FAM90A26: variants seen among roughly 807,000 people sequenced by gnomAD.
FAM90A26 encodes family with sequence similarity 90 member A26.
At position 9,171,034 on chromosome 4, in the gene FAM90A26, G is replaced by A. The variant is rs191173256; in HGVS notation, c.-420-498G>A. ...CACTGTTTCTACCAAAAATACAAAA[G>A]TAAGCTGGGTGTGGTGGGCACCTGT... On this transcript the variant is annotated intron_variant, in intron 1 of 6. Transcript: ENST00000512047. 0.011 allele frequency among the ~76,000 whole-genome samples: 255 copies of A among 22,424 alleles called. 64 individuals carry two copies. In the East Asian group the frequency reaches 0.13, roughly 11 times the overall value. The allele number at this position is 22,424 out of a possible 152,430, so 14.7% of individuals were successfully genotyped here. A position where few individuals can be genotyped will look rare whatever the true frequency, so the allele number is the denominator to read the frequency against.
At position 9,173,211 on chromosome 4, in the gene FAM90A26, A is replaced by G. The variant is rs1216530637; in HGVS notation, c.39A>G (p.Arg13=). Residue 13 remains arginine (R), a synonymous_variant, in exon 4 of 7, where the codon AGA becomes AGG. Coordinates refer to ENST00000512047, the Ensembl canonical transcript of FAM90A26. The stretch of plus-strand genomic sequence containing the variant: ...GTGACCCCAAACCTGGGGCAAAGAG[A>G]CTGGTGAGAGCCCAGACCCTCCAGA... 1.5e-5 allele frequency: 4 copies of G among 274,704 alleles called. 2 individuals are homozygous for G. Among genetic ancestry groups the G allele is most frequent in the African/African-American group, 3.0e-4 (2 of 6,746 alleles). The allele number at this position is 274,704 out of a possible 1,614,324, so 17.0% of individuals were successfully genotyped here. A position where few individuals can be genotyped will look rare whatever the true frequency, so the allele number is the denominator to read the frequency against.
chr4:9,176,098 A>C lies in FAM90A26; in HGVS notation c.1326A>C (p.Pro442=), dbSNP rs558989912. 2.5e-3 allele frequency: 594 copies of C among 238,654 alleles called. 274 individuals are homozygous for C. The highest frequency in any genetic ancestry group is 2.5e-4 in the Non-Finnish European group (41 of 161,992). The allele number at this position is 238,654 out of a possible 1,614,324, so 14.8% of individuals were successfully genotyped here. A position where few individuals can be genotyped will look rare whatever the true frequency, so the allele number is the denominator to read the frequency against. Residue 442 remains proline (P), a synonymous_variant, in exon 7 of 7, where the codon CCA becomes CCC. Coordinates refer to ENST00000512047, the Ensembl canonical transcript of FAM90A26. ...CTGAGGTTCCCCGTGTTCGTGTCCC[A>C]CCGAACGTCCTCTATGAGGACCTTC...
At position 9,174,484 on chromosome 4, in the gene FAM90A26, AT is replaced by A; in HGVS notation, c.364del (p.Ser122ProfsTer22). ...CGCAGAGGAAGGCTCTCCTCCACATATTTTCCGGGAAACCTCCAGAGAAGCC... is the reference window on the plus strand; with the variant it reads ...CGCAGAGGAAGGCTCTCCTCCACATATTTCCGGGAAACCTCCAGAGAAGCC... On this transcript the variant is annotated frameshift_variant, in exon 6 of 7. Transcript: ENST00000512047. LOFTEE classifies it high-confidence loss of function. 3 of 266,104 alleles carry A rather than the reference AT, an allele frequency of 1.1e-5. No individual in the cohort carries two copies. Among genetic ancestry groups the A allele is most frequent in the South Asian group, 3.8e-5 (1 of 26,046 alleles). 16.5% of individuals were successfully genotyped at this position (266,104 alleles called of 1,614,324 possible). A position where few individuals can be genotyped will look rare whatever the true frequency, so the allele number is the denominator to read the frequency against.
Position 9,171,657 on chromosome 4 carries a change from G to A in FAM90A26, c.-295G>A, listed in dbSNP as rs1296685363. On this transcript the variant is annotated 5_prime_UTR_variant, in exon 2 of 7. Transcript: ENST00000512047. ...AGAGAAGCTCAGAAGATGGATCATG[G>A]CCGTGACTGCATGTCAAGGAGAATC... 1.3e-4 allele frequency: 3 copies of A among 23,472 alleles called. 1 individual carries two copies. In the East Asian group the frequency reaches 2.9e-3, roughly 23 times the overall value. 1.5% of individuals were successfully genotyped at this position (23,472 alleles called of 1,614,324 possible).
chr4:9,170,438 T>G (rs34634313), exon 1 of FAM90A26: 34,411 of 100,070 alleles, frequency 0.34, 9,461 homozygotes, highest in South Asian at 0.45. Context: ...CCAGGAGCCC[T>G]GAGACCTGCA....
rs1432240386 is a variant in FAM90A26, at chr4:9,171,533, G to C, written c.-419G>C. The stretch of plus-strand genomic sequence containing the variant: ...ACTTTCTTCATCTGTGTTTCCCAGT[G>C]CGGTCCAATTCACGGTGGTTTCCAA... On this transcript the variant is annotated splice_region_variant and 5_prime_UTR_variant, in exon 2 of 7. Transcript: ENST00000512047. 1.7e-4 allele frequency: 4 copies of C among 23,040 alleles called. 2 individuals are homozygous for C. The highest frequency in any genetic ancestry group is 1.7e-4 in the Non-Finnish European group (2 of 11,508). 1.4% of individuals were successfully genotyped at this position (23,040 alleles called of 1,614,324 possible).
At position 9,170,954 on chromosome 4, in the gene FAM90A26, A is replaced by G. The variant is rs1713426795; in HGVS notation, c.-421+432A>G. ...ATTTCAGCATATTGGGAGGCCAAGGAGAGTGGATCACCTGAGGTCAGGAGT... is the reference window on the plus strand; with the variant it reads ...ATTTCAGCATATTGGGAGGCCAAGGGGAGTGGATCACCTGAGGTCAGGAGT... On this transcript the variant is annotated intron_variant, in intron 1 of 6. Coordinates refer to ENST00000512047, the Ensembl canonical transcript of FAM90A26. Among the ~76,000 whole-genome samples, 2 of 23,068 alleles carry G rather than the reference A, an allele frequency of 8.7e-5. 1 individual carries two copies. The highest frequency in any genetic ancestry group is 1.8e-3 in the South Asian group (2 of 1,136). The allele number at this position is 23,068 out of a possible 152,430, so 15.1% of individuals were successfully genotyped here.
rs1487340144 is a variant in FAM90A26, at chr4:9,170,837, A to G, written c.-421+315A>G. Among the ~76,000 whole-genome samples the G allele has an allele frequency of 1.7e-4, 4 of 23,546 alleles. 2 individuals carry two copies. Among genetic ancestry groups the G allele is most frequent in the Non-Finnish European group, 3.4e-4 (4 of 11,690 alleles). 15.4% of individuals were successfully genotyped at this position (23,546 alleles called of 152,430 possible). A position where few individuals can be genotyped will look rare whatever the true frequency, so the allele number is the denominator to read the frequency against. On this transcript the variant is annotated intron_variant, in intron 1 of 6. Transcript: ENST00000512047. Reference sequence around the variant, plus strand: ...ACCTTGAAAGGGCTCAGCAGCAGTAACTGTGGGACAGGGGCTCTTCCGTTT... The same window carrying G: ...ACCTTGAAAGGGCTCAGCAGCAGTAGCTGTGGGACAGGGGCTCTTCCGTTT...
chr4:9,174,473 C>G lies in FAM90A26; in HGVS notation c.349C>G (p.Leu117Val). The change falls in exon 6 of 7, where the codon CTC becomes GTC. Residue 117 changes from leucine to valine, a missense_variant. Coordinates refer to ENST00000512047, the Ensembl canonical transcript of FAM90A26. The stretch of plus-strand genomic sequence containing the variant: ...GCAACAAGACCCGCAGAGGAAGGCT[C>G]TCCTCCACATATTTTCCGGGAAACC... 2 of 256,676 alleles carry G rather than the reference C, an allele frequency of 7.8e-6. 1 individual carries two copies. The highest frequency in any genetic ancestry group is 7.8e-5 in the South Asian group (2 of 25,626). The allele number at this position is 256,676 out of a possible 1,614,324, so 15.9% of individuals were successfully genotyped here.
rs1713489240 is a variant in FAM90A26, at chr4:9,175,174, C to T, written c.433-31C>T. On this transcript the variant is annotated intron_variant, in intron 6 of 6. Coordinates refer to ENST00000512047, the Ensembl canonical transcript of FAM90A26. ...TTCACGTTGGCTCCATGCTGAGGAGCTTCTAACCTGTGTTGTTTCCTTCCT... is the reference window on the plus strand; with the variant it reads ...TTCACGTTGGCTCCATGCTGAGGAGTTTCTAACCTGTGTTGTTTCCTTCCT... 8.8e-6 allele frequency: 2 copies of T among 226,648 alleles called. 1 individual carries two copies. The allele number at this position is 226,648 out of a possible 1,614,324, so 14.0% of individuals were successfully genotyped here.
chr4:9,172,897 C>T lies in FAM90A26; in HGVS notation c.-56-220C>T, dbSNP rs1713460705. ...AACTCCCCATACCTAGGCCACAGGCCCTGTGGCAGGTGAGGTTTACTCTTG... is the reference window on the plus strand; with the variant it reads ...AACTCCCCATACCTAGGCCACAGGCTCTGTGGCAGGTGAGGTTTACTCTTG... On this transcript the variant is annotated intron_variant, in intron 3 of 6. Coordinates refer to ENST00000512047, the Ensembl canonical transcript of FAM90A26. Among the ~76,000 whole-genome samples the T allele has an allele frequency of 8.4e-5, 2 of 23,718 alleles. 1 individual carries two copies. Among genetic ancestry groups the T allele is most frequent in the African/African-American group, 5.4e-4 (2 of 3,710 alleles). The allele number at this position is 23,718 out of a possible 152,430, so 15.6% of individuals were successfully genotyped here.
Position 9,174,664 on chromosome 4 carries a change from C to T in FAM90A26, c.432+108C>T. 1.4e-5 allele frequency: 2 copies of T among 142,080 alleles called. 1 individual carries two copies. The highest frequency in any genetic ancestry group is 2.6e-4 in the East Asian group (2 of 7,720). 8.8% of individuals were successfully genotyped at this position (142,080 alleles called of 1,614,324 possible). A position where few individuals can be genotyped will look rare whatever the true frequency, so the allele number is the denominator to read the frequency against. On this transcript the variant is annotated intron_variant, in intron 6 of 6. Transcript: ENST00000512047. ...GGAATCGGGGAACCCCTCTTTCTTG[C>T]CTTCTTGGGGTCAGGGACTCCACGA...
intron 2 of FAM90A26, 37 bp from the exon 3 acceptor site, chr4:9,171,976 C>A (rs1713439126): frequency 3.9e-5 from 1 of 25,670 alleles, no homozygotes; most frequent in Non-Finnish European, 7.9e-5. Context: ...AATTAACGTA[C>A]ATGTAACTGA....
rs1553865336 is a variant in FAM90A26 at position 9,171,204 on chromosome 4, A to AAC, written c.-420-327_-420-326insCA. ...CAAAAAAAAAAAAAAAAAAAAAAAA[A>AAC]ATAGACACCAATGACGAAACAAGAA... is the stretch of plus-strand genomic sequence containing the variant. On this transcript the variant is annotated intron_variant, in intron 1 of 6. Transcript: ENST00000512047. Among the ~76,000 whole-genome samples the AAC allele has an allele frequency of 9.5e-5, 2 of 21,102 alleles. 1 individual carries two copies. The highest frequency in any genetic ancestry group is 2.4e-3 in the East Asian group (2 of 836). The allele number at this position is 21,102 out of a possible 152,430, so 13.8% of individuals were successfully genotyped here. A position where few individuals can be genotyped will look rare whatever the true frequency, so the allele number is the denominator to read the frequency against.
In FAM90A26 at chr4:9,173,451, C is replaced by A. The variant is rs1713469594; in HGVS notation, c.123+156C>A. Among the ~76,000 whole-genome samples the A allele has an allele frequency of 8.4e-5, 2 of 23,732 alleles. 1 individual carries two copies. Among genetic ancestry groups the A allele is most frequent in the Non-Finnish European group, 1.7e-4 (2 of 11,696 alleles). 15.6% of individuals were successfully genotyped at this position (23,732 alleles called of 152,430 possible). ...ATCCAAGGTGGGCGTGGCTTGGGAC[C>A]TCCTCCCCGGACCGATAGACCCCTT... On this transcript the variant is annotated intron_variant, in intron 4 of 6. Coordinates refer to ENST00000512047, the Ensembl canonical transcript of FAM90A26.
rs1321289817 is a variant in FAM90A26, at chr4:9,176,470, G to C, written c.*303G>C. ...CGTGACGCGCAGGAGTCAGACTTCC[G>C]CTGGGACGTCAATAGGAAACTGGGG... On this transcript the variant is annotated 3_prime_UTR_variant, in exon 7 of 7. Transcript: ENST00000512047. The C allele has an allele frequency of 5.1e-5, 3 of 58,580 alleles. No homozygotes were observed. The East Asian group carries it at 1.0e-3, about 20-fold the overall frequency. 3.6% of individuals were successfully genotyped at this position (58,580 alleles called of 1,614,324 possible). A position where few individuals can be genotyped will look rare whatever the true frequency, so the allele number is the denominator to read the frequency against.
chr4:9,175,213 C>T lies in FAM90A26; in HGVS notation c.441C>T (p.Ser147=). ...TGTTTCCTTCCTTTCAGGTTGCAAG[C>T]GGGCCAATGCCGGTCCACACAACCA... The change falls in exon 7 of 7, where the codon AGC becomes AGT. Residue 147 remains serine (S), a synonymous_variant. Coordinates refer to ENST00000512047, the Ensembl canonical transcript of FAM90A26. 7.6e-6 allele frequency: 2 copies of T among 264,800 alleles called. 1 individual carries two copies. Among genetic ancestry groups the T allele is most frequent in the Non-Finnish European group, 1.1e-5 (2 of 188,748 alleles). 16.4% of individuals were successfully genotyped at this position (264,800 alleles called of 1,614,324 possible).
At position 9,175,285 on chromosome 4, in the gene FAM90A26, C is replaced by A; in HGVS notation, c.513C>A (p.Thr171=). The A allele has an allele frequency of 7.2e-6, 2 of 278,626 alleles. 1 individual carries two copies. Among genetic ancestry groups the A allele is most frequent in the South Asian group, 8.3e-5 (2 of 24,132 alleles). The allele number at this position is 278,626 out of a possible 1,614,324, so 17.3% of individuals were successfully genotyped here. The change falls in exon 7 of 7, where the codon ACC becomes ACA. Residue 171 remains threonine (T), a synonymous_variant. Transcript: ENST00000512047. ...CTGTCCTCGCTGATCGCTCAGCTAC[C>A]GAAATGTCTGACAGGGGCTCCGCCT...
chr4:9,173,766 A>T lies in FAM90A26; in HGVS notation c.124-24A>T, dbSNP rs1322757996. On this transcript the variant is annotated intron_variant, in intron 4 of 6. Transcript: ENST00000512047. ...GCCTGTGGCTTCAGCTCACTCACCG[A>T]CATCACTTCCTTTCCACCCACAGCT... 2.7e-5 allele frequency: 4 copies of T among 149,464 alleles called. 2 individuals carry two copies. The highest frequency in any genetic ancestry group is 2.5e-5 in the Non-Finnish European group (2 of 80,484). 9.3% of individuals were successfully genotyped at this position (149,464 alleles called of 1,614,324 possible).
Sources: gnomAD v4.1 joint callset for allele counts (sites outside exome capture counted in the v4.1 genomes callset) on GRCh38, gnomAD v4.1.1 for gene constraint, MANE v1.5 for transcripts, NCBI Gene and HGNC (gene_info 2026-07-23, HGNC 2026-07-21) for gene names.